The following PRDM16 variants were observed in gnomAD, a reference collection of about 807,000 sequenced individuals.
PRDM16 encodes the protein PR/SET domain 16.
PRDM16 carries 23 observed loss-of-function variants against 110.6 expected under a neutral mutation model. The observed-to-expected ratio is 0.21, with a 90% CI of 0.15 to 0.29. PRDM16 has a LOEUF of 0.29. Ranked by LOEUF, PRDM16 falls within the 10% of genes least tolerant of loss-of-function variation. PRDM16 has a pLI of 1.00. For missense variants in PRDM16, 1,615 were observed against 1,794.3 expected (o/e 0.90, Z 1.81); for synonymous variants, 799 against 781.8 (o/e 1.02, Z -0.37).
chr1:3,275,317 A>G (rs373937030), intron 3 of PRDM16, among the ~76,000 whole-genome samples: 2 of 152,238 alleles, frequency 1.3e-5, no homozygotes, highest in East Asian at 3.8e-4. Context: ...TCAACCGGAT[A>G]TCGGGAATGA....
chr1:3,356,742 C>T (rs765556678), intron 3 of PRDM16, among the ~76,000 whole-genome samples: 17 of 152,134 alleles, frequency 1.1e-4, no homozygotes, highest in African/African-American at 2.4e-4. Flanking sequence ...CTGGGCAGAT[C>T]GAGCAGCTCG....
chr1:3,169,174 C>T (rs1021284696), intron 1 of PRDM16, among the ~76,000 whole-genome samples: 1 of 152,168 alleles, frequency 6.6e-6, no homozygotes, highest in African/African-American at 2.4e-5. Context: ...GCTAAATGGG[C>T]CCATGGAGGT....
chr1:3,400,329 G>A (rs987619607), intron 5 of PRDM16, among the ~76,000 whole-genome samples: 6 of 152,340 alleles, frequency 3.9e-5, no homozygotes, highest in Middle Eastern at 3.4e-3. Context: ...GACAGGACCT[G>A]CCACGTGGGG....
chr1:3,221,844 C>T (rs1358941224), intron 2 of PRDM16, among the ~76,000 whole-genome samples: 2 of 152,262 alleles, frequency 1.3e-5, no homozygotes, highest in South Asian at 2.1e-4. Flanking sequence ...TGTCCACACA[C>T]ATATACAATT....
chr1:3,361,369 C>A (rs559529202), intron 3 of PRDM16, among the ~76,000 whole-genome samples: 1 of 152,354 alleles, frequency 6.6e-6, no homozygotes, highest in African/African-American at 2.4e-5. Context: ...ATGGCCTAGA[C>A]CCTCCACCGA....
chr1:3,225,920 C>T (rs922058999), intron 2 of PRDM16, among the ~76,000 whole-genome samples: 1 of 152,248 alleles, frequency 6.6e-6, no homozygotes. Flanking sequence ...TCTTCTTTAC[C>T]TCTGCAGGAA....
chr1:3,158,778 CTTTT>C (rs558510731), intron 1 of PRDM16, among the ~76,000 whole-genome samples: 2 of 108,002 alleles, frequency 1.9e-5, no homozygotes, highest in African/African-American at 7.0e-5. Context: ...TTCTTTCCTT[CTTTT>C]TTTTTTTTTG....
At chr1:3,077,524 GA>G (rs1417435320) in intron 1 of PRDM16, among the ~76,000 whole-genome samples, 1 of 152,244 alleles carries the variant, frequency 6.6e-6, no homozygotes, top group Non-Finnish European at 1.5e-5. Context: ...TGTCTGCACA[GA>G]AGGACCTGGA....
chr1:3,337,495 G>A (rs1241637885), intron 3 of PRDM16, among the ~76,000 whole-genome samples: 1 of 152,200 alleles, frequency 6.6e-6, no homozygotes, highest in Non-Finnish European at 1.5e-5. Context: ...GGTTAGAGTA[G>A]GGGCCATGCC....
chr1:3,335,602 AACACACACACACACACAC>A (rs3036535), intron 3 of PRDM16, among the ~76,000 whole-genome samples: 1 of 144,326 alleles, frequency 6.9e-6, no homozygotes, highest in Non-Finnish European at 1.5e-5. Flanking sequence ...CTGAGGTTAA[AACACACACACACACACAC>A]ACACACACAC....
chr1:3,278,666 G>A (rs1640643189), intron 3 of PRDM16, among the ~76,000 whole-genome samples: 1 of 152,186 alleles, frequency 6.6e-6, no homozygotes, highest in South Asian at 2.1e-4. Flanking sequence ...CGCCCTCTCT[G>A]GAGCCTGTGG....
In PRDM16 at chr1:3,430,905, G is replaced by C. The variant is rs772809311; in HGVS notation, c.3318G>C (p.Gln1106His). The change falls in exon 15 of 17, where the codon CAG becomes CAC. Residue 1106 changes from glutamine (Q) to histidine (H), a missense_variant. By Grantham distance (24) the Gln-to-His change is conservative (BLOSUM62 0). Around this residue, in one of 5 missense-constraint regions of PRDM16, gnomAD observed 327 missense variants for 359.3 expected, o/e 0.91. Transcript: ENST00000270722. The stretch of plus-strand genomic sequence containing the variant: ...TGCAGATCGTGGACGGCAGTGCCCA[G>C]TGTCCAGGCCTAGCCAGTGAGAAGC... ...ADMQIVDGSA[Q>H]CPGLASEKQE... The C allele has an allele frequency of 6.2e-7, 1 of 1,614,030 alleles. No individual in the cohort carries two copies. The highest frequency in any genetic ancestry group is 8.5e-7 in the Non-Finnish European group (1 of 1,180,044).
intron 2 of PRDM16, among the ~76,000 whole-genome samples, chr1:3,225,569 T>TGCGCGCGC (rs1431851886): frequency 4.1e-5 from 5 of 121,740 alleles, no homozygotes; most frequent in African/African-American, 1.9e-4. Context: ...TGTGTGTGTG[T>TGCGCGCGC]GTGTGCGCGC....
intron 1 of PRDM16, among the ~76,000 whole-genome samples, chr1:3,106,722 G>T (rs76893188): frequency 4.6e-5 from 7 of 152,144 alleles, no homozygotes; most frequent in African/African-American, 1.4e-4. Context: ...AGGCCAGCAT[G>T]GGGGGGAGCA....
chr1:3,214,825 A>G (rs865815781), intron 2 of PRDM16, among the ~76,000 whole-genome samples: 2 of 152,146 alleles, frequency 1.3e-5, no homozygotes, highest in Non-Finnish European at 2.9e-5. Context: ...AGATGGTTAC[A>G]ATGAGCTTGA....
In PRDM16 at chr1:3,194,304, G is replaced by A. The variant is rs116845121; in HGVS notation, c.387+7830G>A. 1.1e-4 allele frequency among the ~76,000 whole-genome samples: 17 copies of A among 152,300 alleles called. No individual in the cohort carries two copies. In the East Asian group the frequency reaches 1.5e-3, roughly 14 times the overall value. On this transcript the variant is annotated intron_variant, in intron 2 of 16. Transcript: ENST00000270722. Reference sequence around the variant, plus strand: ...TCACTGGTACCTCCCTGTGCAGGGCGCTTCCTTCTGTCTCTCCCATGCCCC... The same window carrying A: ...TCACTGGTACCTCCCTGTGCAGGGCACTTCCTTCTGTCTCTCCCATGCCCC...
intron 1 of PRDM16, among the ~76,000 whole-genome samples, chr1:3,153,015 C>T (rs886778554): frequency 6.6e-6 from 1 of 152,260 alleles, no homozygotes; most frequent in Non-Finnish European, 1.5e-5. Flanking sequence ...ATCACCAGAC[C>T]AGAGGAGTGA....
At chr1:3,284,372 G>C (rs947032282) in intron 3 of PRDM16, among the ~76,000 whole-genome samples, 2 of 152,342 alleles carry the variant, frequency 1.3e-5, no homozygotes, top group South Asian at 2.1e-4. Context: ...TTATCTGGAG[G>C]GGGAGGGAGG....
intron 1 of PRDM16, among the ~76,000 whole-genome samples, chr1:3,160,944 T>C (rs1643892211): frequency 1.3e-5 from 2 of 152,218 alleles, no homozygotes; most frequent in Admixed American, 1.3e-4. Flanking sequence ...GGCTTTCGTT[T>C]CTTTATTTTC....
Sources: gnomAD v4.1 joint callset for allele counts (sites outside exome capture counted in the v4.1 genomes callset) on GRCh38, gnomAD v4.1.1 for gene constraint, gnomAD v4.1.1 regional missense constraint, MANE v1.5 for transcripts, NCBI Gene and HGNC (gene_info 2026-07-23, HGNC 2026-07-21) for gene names.